Variants in CSMD1 observed in about 807,000 individuals in gnomAD.
CSMD1 encodes the protein CUB and sushi domain-containing protein 1.
A neutral mutation model predicts 417.5 loss-of-function variants in CSMD1; 213 were observed. That is an observed-to-expected ratio of 0.51 (90% CI 0.46 to 0.57). The LOEUF (loss-of-function observed/expected upper bound fraction) is 0.57, where lower values mean the gene tolerates loss of function less well. Ranked by LOEUF, CSMD1 falls within the 20% of genes least tolerant of loss-of-function variation. The probability of loss-of-function intolerance (pLI) is 0.00; values close to 1 mark genes in which losing one functional copy is unlikely to be tolerated. For missense variants in CSMD1, 6,923 were observed against 4,529.7 expected, an observed-to-expected ratio of 1.53 and a Z score of -15.17; for synonymous variants, 2,862 against 1,736.8, an observed-to-expected ratio of 1.65 and a Z score of -16.11.
At chr8:3,970,912 C>G (rs1367772222) in intron 5 of CSMD1, among the ~76,000 whole-genome samples, 4 of 152,042 alleles carry the variant, frequency 2.6e-5, no homozygotes, top group Admixed American at 6.6e-5. Context: ...CCACCATGCT[C>G]CGCTAATTTT....
rs1300895181 is a variant in CSMD1, at chr8:3,534,652, C to T, written c.1344+40293G>A. Reference sequence around the variant, plus strand: ...GTTGGTATCTTGGGAATGCCATTTCCATAGCCAAACAATTTTAGAAAACCA... The same window carrying T: ...GTTGGTATCTTGGGAATGCCATTTCTATAGCCAAACAATTTTAGAAAACCA... On this transcript the variant is annotated intron_variant, in intron 10 of 69. Coordinates refer to ENST00000635120, the MANE Select transcript of CSMD1 (RefSeq NM_033225.6). 2.0e-5 allele frequency among the ~76,000 whole-genome samples: 3 copies of T among 152,238 alleles called. No individual in the cohort carries two copies. In the South Asian group the frequency reaches 6.2e-4, roughly 32 times the overall value.
chr8:3,824,153 C>T (rs1801907743), intron 5 of CSMD1, among the ~76,000 whole-genome samples: 1 of 151,908 alleles, frequency 6.6e-6, no homozygotes. Flanking sequence ...CCGAGTCAAA[C>T]ATTCCAATGG....
chr8:4,452,907 G>C (rs183917307), intron 2 of CSMD1, among the ~76,000 whole-genome samples: 4 of 152,242 alleles, frequency 2.6e-5, no homozygotes, highest in African/African-American at 4.8e-5. Flanking sequence ...AGCAACGATG[G>C]GCACAGTGGT....
Position 3,873,037 on chromosome 8 carries a change from A to G in CSMD1, c.819-118995T>C, listed in dbSNP as rs186986243. Among the ~76,000 whole-genome samples the G allele has an allele frequency of 4.4e-3, 673 of 152,262 alleles. 5 individuals carry two copies. The highest frequency in any genetic ancestry group is 0.015 in the African/African-American group (639 of 41,542). On this transcript the variant is annotated intron_variant, in intron 5 of 69. Transcript: ENST00000635120. ...CACACTACTCAGAATTGTTGTTATT[A>G]AAAAATCAAACAACAACAGATGCTG... is the stretch of plus-strand genomic sequence containing the variant.
At chr8:3,951,314 C>T (rs377081337) in intron 5 of CSMD1, among the ~76,000 whole-genome samples, 1 of 152,184 alleles carries the variant, frequency 6.6e-6, no homozygotes, top group Admixed American at 6.5e-5. Flanking sequence ...GCACCTTCTC[C>T]TCGTTTTAAG....
chr8:3,870,944 A>G (rs1275114070), intron 5 of CSMD1, among the ~76,000 whole-genome samples: 6 of 151,982 alleles, frequency 3.9e-5, no homozygotes, highest in Admixed American at 2.6e-4. Context: ...GTATTCATAA[A>G]TGTAAATTTT....
rs1801931671 is a variant in CSMD1 at position 3,824,423 on chromosome 8, C to G, written c.819-70381G>C. Among the ~76,000 whole-genome samples the G allele has an allele frequency of 2.0e-5, 3 of 152,252 alleles. No homozygotes were observed. The South Asian group carries it at 6.2e-4, about 32-fold the overall frequency. ...GCTCCCAATGGGAAAGATGAATAGA[C>G]ATTACAATCCTGTGTAACTTTTCAT... On this transcript the variant is annotated intron_variant, in intron 5 of 69. Transcript: ENST00000635120.
intron 3 of CSMD1, among the ~76,000 whole-genome samples, chr8:4,033,130 GAAA>G (rs58668077): frequency 1.9e-4 from 15 of 80,650 alleles, no homozygotes; most frequent in African/African-American, 5.1e-4. Context: ...TTTCCAATAT[GAAA>G]AAAAAAAAAA....
At chr8:4,295,750 G>GTGTGTA (rs1175477762) in intron 3 of CSMD1, among the ~76,000 whole-genome samples, 5 of 34,248 alleles carry the variant, frequency 1.5e-4, no homozygotes, top group South Asian at 5.2e-3. Context: ...ATGTGTGTGT[G>GTGTGTA]TATATATATA....
chr8:4,695,932 A>T (rs1423257370), intron 1 of CSMD1, among the ~76,000 whole-genome samples: 1 of 152,206 alleles, frequency 6.6e-6, no homozygotes, highest in African/African-American at 2.4e-5. Flanking sequence ...TTACCATAGG[A>T]TCTACATGAA....
intron 7 of CSMD1, among the ~76,000 whole-genome samples, chr8:3,635,367 G>A (rs890475583): frequency 6.6e-6 from 1 of 152,020 alleles, no homozygotes; most frequent in Non-Finnish European, 1.5e-5. Context: ...CCAGCTACTC[G>A]GGAGGCTGAG....
chr8:3,934,903 C>G (rs1810379663), intron 5 of CSMD1, among the ~76,000 whole-genome samples: 1 of 151,848 alleles, frequency 6.6e-6, no homozygotes, highest in Non-Finnish European at 1.5e-5. Flanking sequence ...TTGAGTTTTC[C>G]AAGAAGAACA....
intron 5 of CSMD1, among the ~76,000 whole-genome samples, chr8:3,928,496 C>A (rs1809908178): frequency 7.4e-6 from 1 of 135,754 alleles, no homozygotes. Flanking sequence ...TTAAGTGGAA[C>A]AGGGGGCACT....
chr8:3,279,129 G>C (rs1371931925), intron 26 of CSMD1: 1 of 152,176 alleles, frequency 6.6e-6, no homozygotes, highest in Non-Finnish European at 1.5e-5. Context: ...CTTTGGGGTG[G>C]TCAGACCAGC....
chr8:4,328,689 C>T (rs1457830260), intron 3 of CSMD1, among the ~76,000 whole-genome samples: 2 of 152,146 alleles, frequency 1.3e-5, no homozygotes, highest in Non-Finnish European at 2.9e-5. Context: ...ATTCAACCTA[C>T]TAGGAAGTGC....
chr8:3,247,398 C>G (rs13269927), intron 26 of CSMD1, among the ~76,000 whole-genome samples: 13,177 of 152,148 alleles, frequency 0.087, 661 homozygotes, highest in Admixed American at 0.13. Flanking sequence ...CATTGTGACC[C>G]CTCTGCTGAC....
chr8:3,601,742 C>G (rs1314030547), intron 8 of CSMD1, among the ~76,000 whole-genome samples: 1 of 152,170 alleles, frequency 6.6e-6, no homozygotes. Flanking sequence ...TGAATAACAA[C>G]CAGTGCATTG....
At chr8:3,217,895 A>C (rs1209024454) in intron 29 of CSMD1, among the ~76,000 whole-genome samples, 1 of 152,200 alleles carries the variant, frequency 6.6e-6, no homozygotes, top group Admixed American at 6.5e-5. Flanking sequence ...AGTGTAAATA[A>C]ATATAAATAT....
intron 5 of CSMD1, among the ~76,000 whole-genome samples, chr8:3,788,447 A>T (rs2623671): frequency 6.6e-6 from 1 of 152,082 alleles, no homozygotes; most frequent in South Asian, 2.1e-4. Context: ...CAGCTGAGAT[A>T]AGAGGCAGAA....
Sources: gnomAD v4.1 joint callset for allele counts (sites outside exome capture counted in the v4.1 genomes callset) on GRCh38, gnomAD v4.1.1 for gene constraint, MANE v1.5 for transcripts, NCBI Gene and HGNC (gene_info 2026-07-23, HGNC 2026-07-21) for gene names.